Variants in WDR27 observed in about 807,000 individuals in gnomAD.
WDR27 encodes the protein WD repeat-containing protein 27.
A neutral mutation model predicts 114.4 loss-of-function variants in WDR27; 100 were observed. That is an observed-to-expected ratio of 0.87 (90% CI 0.74 to 1.03). The LOEUF (loss-of-function observed/expected upper bound fraction) is 1.03. WDR27 is among the 50% of genes least tolerant of loss of function. WDR27 has a pLI of 0.00. For missense variants in WDR27, 1,129 were observed against 1,092.9 expected (o/e 1.03, Z -0.47); for synonymous variants, 449 against 423.1 (o/e 1.06, Z -0.75).
In WDR27 at chr6:169,493,497, A is replaced by AT. The variant is rs144961935; in HGVS notation, c.2646-35864dup. 4.6e-5 allele frequency among the ~76,000 whole-genome samples: 7 copies of AT among 151,594 alleles called. No homozygotes were observed. The South Asian group carries it at 6.2e-4, about 14-fold the overall frequency. On this transcript the variant is annotated intron_variant, in intron 25 of 25. Transcript: ENST00000448612. ...GAAGTATCAAACTTAAGATGTTCAAATTTTTTTTTATTTCTTCTTTGACCC... is the reference window on the plus strand; with the variant it reads ...GAAGTATCAAACTTAAGATGTTCAAATTTTTTTTTTATTTCTTCTTTGACCC...
chr6:169,634,310 C>A, intron 20 of WDR27, 118 bp downstream of exon 20: 1 of 645,744 alleles, frequency 1.5e-6, no homozygotes, highest in Non-Finnish European at 2.7e-6. Flanking sequence ...GAGAAGGGTC[C>A]CTGCATTCCC....
At chr6:169,677,805 G>T (rs763583207) in intron 2 of WDR27, among the ~76,000 whole-genome samples, 4 of 152,260 alleles carry the variant, frequency 2.6e-5, no homozygotes, top group Non-Finnish European at 4.4e-5. Context: ...TCCAGCTCTG[G>T]CCTCAGCTCA....
intron 21 of WDR27, among the ~76,000 whole-genome samples, chr6:169,632,516 G>A (rs1018531616): frequency 3.3e-5 from 5 of 152,052 alleles, no homozygotes; most frequent in African/African-American, 9.7e-5. Flanking sequence ...TTAACCTACC[G>A]CTGTGGATAT....
chr6:169,499,450 A>C (rs1030458816), intron 25 of WDR27, among the ~76,000 whole-genome samples: 9 of 152,248 alleles, frequency 5.9e-5, no homozygotes, highest in African/African-American at 1.9e-4. Flanking sequence ...TGGCAGAATT[A>C]AACCTGCGCT....
chr6:169,652,356 C>T (rs991998851), intron 13 of WDR27, among the ~76,000 whole-genome samples: 6 of 152,256 alleles, frequency 3.9e-5, no homozygotes, highest in Non-Finnish European at 7.3e-5. Context: ...TCAAGTAATT[C>T]TCCTGCCTCA....
At chr6:169,570,871 T>G (rs1231765945) in intron 25 of WDR27, among the ~76,000 whole-genome samples, 1 of 152,128 alleles carries the variant, frequency 6.6e-6, no homozygotes, top group African/African-American at 2.4e-5. Context: ...TCTCTCCTCA[T>G]AAGACAGGAC....
chr6:169,464,320 T>C (rs1312878308), intron 25 of WDR27, among the ~76,000 whole-genome samples: 1 of 152,016 alleles, frequency 6.6e-6, no homozygotes, highest in Non-Finnish European at 1.5e-5. Context: ...CTTGGAAAAA[T>C]AGACATCCAC....
chr6:169,538,427 T>C (rs1028742249), intron 25 of WDR27, among the ~76,000 whole-genome samples: 2 of 152,140 alleles, frequency 1.3e-5, no homozygotes, highest in Non-Finnish European at 2.9e-5. Flanking sequence ...TTCAATAACA[T>C]GGAAGCAAAG....
intron 25 of WDR27, among the ~76,000 whole-genome samples, chr6:169,504,614 A>G (rs894676990): frequency 6.6e-6 from 1 of 152,198 alleles, no homozygotes; most frequent in East Asian, 1.9e-4. Flanking sequence ...ACTTTAAAAA[A>G]AGATTTTTTT....
At chr6:169,658,385 C>T in intron 12 of WDR27, 27 bp from the exon 13 acceptor site, 1 of 1,557,576 alleles carries the variant, frequency 6.4e-7, no homozygotes, top group Non-Finnish European at 8.7e-7. Flanking sequence ...CCCCATGAAA[C>T]TAGGAGCGCA....
chr6:169,638,959 C>T (rs941788827), intron 17 of WDR27, among the ~76,000 whole-genome samples: 2 of 152,106 alleles, frequency 1.3e-5, no homozygotes, highest in East Asian at 1.9e-4. Flanking sequence ...TTGTTAGGAG[C>T]GTGTACTGCA....
chr6:169,668,246 A>G, intron 4 of WDR27, 61 bp from the exon 5 acceptor site: 1 of 1,551,434 alleles, frequency 6.4e-7, no homozygotes, highest in Non-Finnish European at 8.8e-7. Flanking sequence ...TATATAAACC[A>G]AGGGTGAAAA....
chr6:169,672,171 A>G, intron 3 of WDR27, 84 bp downstream of exon 3: 3 of 1,404,546 alleles, frequency 2.1e-6, no homozygotes, highest in Non-Finnish European at 2.9e-6. Flanking sequence ...CAAGGGAAAC[A>G]CCCCTTGGGT....
intron 25 of WDR27, among the ~76,000 whole-genome samples, chr6:169,470,097 C>A (rs1236050378): frequency 6.6e-6 from 1 of 152,226 alleles, no homozygotes; most frequent in East Asian, 1.9e-4. Flanking sequence ...TACTAGAATA[C>A]AATTCAGCCA....
chr6:169,576,754 G>C (rs112430499), intron 24 of WDR27, among the ~76,000 whole-genome samples: 124 of 116,668 alleles, frequency 1.1e-3, no homozygotes, highest in African/African-American at 3.8e-3. Context: ...GCAAGAGTGA[G>C]ACCCTTTCTC....
chr6:169,541,277 C>T (rs768880657), intron 25 of WDR27, among the ~76,000 whole-genome samples: 1 of 152,078 alleles, frequency 6.6e-6, no homozygotes, highest in Non-Finnish European at 1.5e-5. Context: ...GTAGAACAAA[C>T]CAATATTTAA....
chr6:169,535,451 C>G (rs1459436560), intron 25 of WDR27, among the ~76,000 whole-genome samples: 1 of 152,136 alleles, frequency 6.6e-6, no homozygotes, highest in East Asian at 1.9e-4. Flanking sequence ...GGATTTCAAA[C>G]TCAAATTCAG....
chr6:169,533,582 G>A (rs1409825920), intron 25 of WDR27, among the ~76,000 whole-genome samples: 2 of 152,142 alleles, frequency 1.3e-5, no homozygotes, highest in Non-Finnish European at 2.9e-5. Context: ...AAACAGAAAA[G>A]GCAGAGAGGC....
chr6:169,582,860 C>T lies in WDR27; in HGVS notation c.2499G>A (p.Val833=). 1 of 1,613,876 alleles carries T rather than the reference C, an allele frequency of 6.2e-7. No individual in the cohort carries two copies. The highest frequency in any genetic ancestry group is 1.1e-5 in the South Asian group (1 of 91,028). ...LAGHTDTVTG[V]AFNPSAPQME... is the part of the protein sequence containing the mutation. ...CCTGGGGCGCTGATGGGTTGAAGGC[C>T]ACTCCAGTGACAGTGTCTGTGTGCC... is the stretch of plus-strand genomic sequence containing the variant. Residue 833 remains valine, a synonymous_variant, in exon 24 of 26, where the codon GTG becomes GTA. Transcript: ENST00000448612.
Sources: gnomAD v4.1 joint callset for allele counts (sites outside exome capture counted in the v4.1 genomes callset) on GRCh38, gnomAD v4.1.1 for gene constraint, MANE v1.5 for transcripts, NCBI Gene and HGNC (gene_info 2026-07-23, HGNC 2026-07-21) for gene names.